Variants in ATAD2B observed in about 807,000 individuals in gnomAD.
The protein encoded by ATAD2B is ATPase family AAA domain containing 2B, also known as ATPase family AAA domain-containing protein 2B.
Under a neutral mutation model 167.6 loss-of-function variants are expected in ATAD2B, and 40 were observed. That is an observed-to-expected ratio of 0.24 (90% CI 0.19 to 0.31). ATAD2B has a LOEUF of 0.31. ATAD2B is among the 10% of genes least tolerant of loss of function. The pLI, the probability that ATAD2B is intolerant of heterozygous loss-of-function variation, is 1.00. For missense variants in ATAD2B, 1,242 were observed against 1,757.2 expected (o/e 0.71, Z 5.24); for synonymous variants, 579 against 596.5 (o/e 0.97, Z 0.43).
chr2:23,883,279 C>CAAAAA (rs56994882), intron 6 of ATAD2B, among the ~76,000 whole-genome samples: 1 of 89,022 alleles, frequency 1.1e-5, no homozygotes, highest in Non-Finnish European at 2.3e-5. Context: ...AAAACTGTCT[C>CAAAAA]AAAAAAAAAA....
At chr2:23,773,478 C>T (rs752456581) in intron 22 of ATAD2B, among the ~76,000 whole-genome samples, 1 of 152,138 alleles carries the variant, frequency 6.6e-6, no homozygotes, top group Non-Finnish European at 1.5e-5. Context: ...GCCATGATCG[C>T]ACCACTGCAT....
intron 6 of ATAD2B, among the ~76,000 whole-genome samples, chr2:23,883,989 C>T (rs1433406042): frequency 2.0e-5 from 3 of 152,038 alleles, no homozygotes; most frequent in Admixed American, 6.6e-5. Flanking sequence ...ACTAAAAATA[C>T]AAAAATTAGC....
intron 13 of ATAD2B, among the ~76,000 whole-genome samples, chr2:23,845,104 T>C (rs1691540560): frequency 6.6e-6 from 1 of 152,074 alleles, no homozygotes; most frequent in Non-Finnish European, 1.5e-5. Context: ...AAGAAAAAAG[T>C]GTCGACTTCA....
intron 13 of ATAD2B, chr2:23,856,188 CAA>C (rs571662550): frequency 4.4e-3 from 321 of 73,456 alleles, no homozygotes; most frequent in South Asian, 0.024. Flanking sequence ...GACTCCATCT[CAA>C]AAAAAAAAAA....
chr2:23,888,011 T>G (rs1313119869), intron 3 of ATAD2B, 26 bp from the exon 4 acceptor site: 1 of 1,502,118 alleles, frequency 6.7e-7, no homozygotes. Context: ...TATTTACATT[T>G]CAAAGTACAG....
At chr2:23,726,791 C>T in the ATAD2B span, among the ~76,000 whole-genome samples, 184 of 152,176 alleles carry the variant, frequency 1.2e-3, no homozygotes, top group African/African-American at 3.4e-3. Context: ...TATATGAAGG[C>T]GGTCAAATGG....
rs796170884 is a variant in ATAD2B at position 23,896,144 on chromosome 2, C to T, written c.217-174G>A. Among the ~76,000 whole-genome samples the T allele has an allele frequency of 8.1e-5, 12 of 147,766 alleles. 1 individual carries two copies. The highest frequency in any genetic ancestry group is 2.5e-4 in the African/African-American group (10 of 40,206). On this transcript the variant is annotated intron_variant, in intron 1 of 27. Transcript: ENST00000238789. ...CAGACTGGCCAACATGGTGAAACCC[C>T]GCCTCTACCAAAAAAAAAAAAAAAA...
intron 24 of ATAD2B, among the ~76,000 whole-genome samples, chr2:23,759,877 C>G (rs927932749): frequency 2.0e-5 from 3 of 152,190 alleles, no homozygotes; most frequent in African/African-American, 7.2e-5. Context: ...AAATAAAAAG[C>G]ATTCAGCTTG....
At chr2:23,811,935 C>T (rs1398795878) in intron 17 of ATAD2B, among the ~76,000 whole-genome samples, 1 of 151,978 alleles carries the variant, frequency 6.6e-6, no homozygotes, top group East Asian at 1.9e-4. Flanking sequence ...ACTACCCTGA[C>T]AGATGACATC....
In ATAD2B at chr2:23,749,537, A is replaced by T. The variant is rs1675132430; in HGVS notation, c.*2509T>A. ...AGAACCACCAGATATCTGTAAAATA[A>T]GCAAAACTGGTAAGTGTGTTTTTTT... On this transcript the variant is annotated 3_prime_UTR_variant, in exon 28 of 28. Transcript: ENST00000238789. 1 of 152,172 alleles carries T rather than the reference A, an allele frequency of 6.6e-6. No homozygotes were observed. The highest frequency in any genetic ancestry group is 1.5e-5 in the Non-Finnish European group (1 of 68,024). The allele number at this position is 152,172 out of a possible 1,614,324, so 9.4% of individuals were successfully genotyped here.
At chr2:23,678,399 C>G in the ATAD2B span, among the ~76,000 whole-genome samples, 1 of 152,206 alleles carries the variant, frequency 6.6e-6, no homozygotes, top group Non-Finnish European at 1.5e-5. Context: ...AGAAGCTTTG[C>G]TCACTTTCAC....
intron 24 of ATAD2B, 120 bp from the exon 25 acceptor site, chr2:23,758,221 T>G: frequency 1.3e-6 from 1 of 748,888 alleles, no homozygotes; most frequent in Non-Finnish European, 2.1e-6. Context: ...ACACAAAAAC[T>G]ACTTAGCTCT....
intron 15 of ATAD2B, 94 bp from the exon 16 acceptor site, chr2:23,823,663 TAATC>T (rs1447533706): frequency 9.1e-7 from 1 of 1,097,108 alleles, no homozygotes; most frequent in African/African-American, 1.6e-5. Context: ...GCTAAAGTCA[TAATC>T]AATACTAAAT....
downstream of ATAD2B, among the ~76,000 whole-genome samples, chr2:23,746,115 T>C: frequency 6.6e-6 from 1 of 152,240 alleles, no homozygotes. Context: ...TTAGGTTACA[T>C]GCTCCTCCTC....
the ATAD2B span, among the ~76,000 whole-genome samples, chr2:23,710,335 G>A: frequency 1.1e-4 from 17 of 152,280 alleles, no homozygotes; most frequent in East Asian, 2.9e-3. Context: ...CTCAACAATG[G>A]CAGTTGTTAA....
At chr2:23,817,960 T>C (rs1391650256) in intron 17 of ATAD2B, among the ~76,000 whole-genome samples, 2 of 152,192 alleles carry the variant, frequency 1.3e-5, no homozygotes, top group Non-Finnish European at 2.9e-5. Flanking sequence ...AATCTATTTC[T>C]GTATTCCTTT....
the ATAD2B span, among the ~76,000 whole-genome samples, chr2:23,702,901 A>T: frequency 7.0e-6 from 1 of 142,330 alleles, no homozygotes; most frequent in Non-Finnish European, 1.6e-5. Flanking sequence ...AGAGGAGGGG[A>T]GCACTGTGTG....
Position 23,926,714 on chromosome 2 carries a change from G to C in ATAD2B, c.57C>G (p.Pro19=). ...CTGCTCCGGCCCCAGGCCCAGGCCC[G>C]GGACCAGGAGACTTGGACCCGAGAA... ...LRLLGSKSPG[P]GPGPGAGAEP... is the part of the protein sequence containing the mutation. The change falls in exon 1 of 28, where the codon CCC becomes CCG. Residue 19 remains proline, a synonymous_variant. Transcript: ENST00000238789. 1 of 1,549,732 alleles carries C rather than the reference G, an allele frequency of 6.5e-7. No individual in the cohort carries two copies.
At chr2:23,808,206 A>T (rs554171434) in intron 18 of ATAD2B, among the ~76,000 whole-genome samples, 85 of 129,952 alleles carry the variant, frequency 6.5e-4, no homozygotes, top group East Asian at 1.7e-3. Flanking sequence ...TTTATATAAA[A>T]ATATATATAT....
Sources: gnomAD v4.1 joint callset for allele counts (sites outside exome capture counted in the v4.1 genomes callset) on GRCh38, gnomAD v4.1.1 for gene constraint, MANE v1.5 for transcripts, NCBI Gene and HGNC (gene_info 2026-07-23, HGNC 2026-07-21) for gene names.